NELL2: variants seen among roughly 807,000 people sequenced by gnomAD.
NELL2 encodes protein kinase C-binding protein NELL2.
NELL2 carries 41 observed loss-of-function variants against 109.6 expected under a neutral mutation model. That is an observed-to-expected ratio of 0.37 (90% CI 0.29 to 0.49). NELL2 has a LOEUF of 0.49. Among genes scored for constraint, NELL2 ranks in the 20% least tolerant of loss-of-function variants. The probability of loss-of-function intolerance (pLI) is 0.98; values close to 1 mark genes in which losing one functional copy is unlikely to be tolerated. For synonymous variants in NELL2, 355 were observed against 344.7 expected (o/e 1.03, Z -0.33); for missense variants, 900 against 1,008.3 (o/e 0.89, Z 1.45).
intron 15 of NELL2, among the ~76,000 whole-genome samples, chr12:44,585,786 G>T (rs898287099): frequency 1.2e-4 from 18 of 151,814 alleles, no homozygotes; most frequent in African/African-American, 4.4e-4. Flanking sequence ...TGGTCATAAT[G>T]GGGGAGGGAG....
intron 1 of NELL2, among the ~76,000 whole-genome samples, chr12:44,901,762 A>T (rs952225600): frequency 6.6e-6 from 1 of 152,198 alleles, no homozygotes; most frequent in East Asian, 1.9e-4. Flanking sequence ...CAAATCAATA[A>T]ATGGAATCCA....
At chr12:44,806,947 A>C (rs1943021232) in intron 3 of NELL2, among the ~76,000 whole-genome samples, 1 of 151,696 alleles carries the variant, frequency 6.6e-6, no homozygotes, top group Non-Finnish European at 1.5e-5. Context: ...GTTTGAAAAA[A>C]TGTTTAGAGC....
chr12:44,521,326 C>G (rs1012092928), intron 18 of NELL2, among the ~76,000 whole-genome samples: 1 of 151,850 alleles, frequency 6.6e-6, no homozygotes, highest in Admixed American at 6.6e-5. Flanking sequence ...GTCAGGAGAT[C>G]GAGACCATCC....
chr12:44,833,341 C>A (rs1175352828), intron 2 of NELL2, among the ~76,000 whole-genome samples: 1 of 151,750 alleles, frequency 6.6e-6, no homozygotes, highest in Non-Finnish European at 1.5e-5. Context: ...CTTGACAGTT[C>A]TCTCCCTTTC....
At chr12:44,557,835 A>C (rs1943315578) in intron 15 of NELL2, among the ~76,000 whole-genome samples, 2 of 152,228 alleles carry the variant, frequency 1.3e-5, no homozygotes, top group Admixed American at 1.3e-4. Context: ...AGAGGAACCA[A>C]AGGAAGAAGA....
intron 3 of NELL2, among the ~76,000 whole-genome samples, chr12:44,799,632 GTATAT>G (rs1250899352): frequency 1.3e-5 from 2 of 152,006 alleles, no homozygotes; most frequent in African/African-American, 4.8e-5. Context: ...ATACAGATCA[GTATAT>G]TAGAGAGAAA....
chr12:44,865,292 T>A (rs554868549), intron 2 of NELL2, among the ~76,000 whole-genome samples: 19 of 142,166 alleles, frequency 1.3e-4, no homozygotes, highest in African/African-American at 3.4e-4. Context: ...ATGAGTAGGT[T>A]GCAAAAATTT....
At position 44,882,858 on chromosome 12, in the gene NELL2, TGA is replaced by T. The variant is rs1464735317; in HGVS notation, c.39-6960_39-6959del. Among the ~76,000 whole-genome samples the T allele has an allele frequency of 2.8e-3, 317 of 112,356 alleles. 1 individual carries two copies. In the Middle Eastern group the frequency reaches 0.028, roughly 10 times the overall value. 73.7% of individuals were successfully genotyped at this position (112,356 alleles called of 152,430 possible). A position where few individuals can be genotyped will look rare whatever the true frequency, so the allele number is the denominator to read the frequency against. On this transcript the variant is annotated intron_variant, in intron 1 of 20. Transcript: ENST00000333837. ...CCTTTTTTTTTTTTTTTTTTTTTTTTGAGACAGAGTCTCCTTCTGTCACCCAG... is the reference window on the plus strand; with the variant it reads ...CCTTTTTTTTTTTTTTTTTTTTTTTTGACAGAGTCTCCTTCTGTCACCCAG...
intron 15 of NELL2, among the ~76,000 whole-genome samples, chr12:44,585,751 T>C (rs549640938): frequency 6.6e-6 from 1 of 151,594 alleles, no homozygotes; most frequent in South Asian, 2.1e-4. Context: ...TAAGCACACA[T>C]GACAATGTCT....
At chr12:44,618,049 G>A (rs1945905971) in intron 13 of NELL2, among the ~76,000 whole-genome samples, 1 of 152,002 alleles carries the variant, frequency 6.6e-6, no homozygotes, top group Non-Finnish European at 1.5e-5. Flanking sequence ...TGTTTCTTGT[G>A]ATTACCTTAT....
intron 9 of NELL2, among the ~76,000 whole-genome samples, chr12:44,746,335 C>A (rs970787919): frequency 2.8e-4 from 42 of 152,006 alleles, no homozygotes; most frequent in Non-Finnish European, 2.5e-4. Flanking sequence ...GACCTAAAAC[C>A]ATAAAAACCC....
intron 2 of NELL2, among the ~76,000 whole-genome samples, chr12:44,838,683 T>C (rs780012186): frequency 6.6e-6 from 1 of 152,200 alleles, no homozygotes; most frequent in Non-Finnish European, 1.5e-5. Context: ...GTATTCAAAT[T>C]GGTGTATTAT....
chr12:44,528,915 ATC>A (rs1310901326), intron 16 of NELL2, among the ~76,000 whole-genome samples: 7 of 152,204 alleles, frequency 4.6e-5, no homozygotes, highest in Admixed American at 3.9e-4. Context: ...ATGCAAAGAA[ATC>A]TGTTTCATAT....
intron 1 of NELL2, among the ~76,000 whole-genome samples, chr12:44,907,135 G>T (rs986804275): frequency 3.2e-4 from 48 of 152,032 alleles, no homozygotes; most frequent in Admixed American, 3.2e-3. Flanking sequence ...CTCCTGCCAT[G>T]ATTGTAAGTT....
intron 15 of NELL2, among the ~76,000 whole-genome samples, chr12:44,551,509 AT>A (rs150430355): frequency 0.11 from 16,146 of 152,114 alleles, 2,875 homozygotes; most frequent in African/African-American, 0.37. Context: ...AACTTGATGT[AT>A]TTAATATGTG....
At chr12:44,818,736 TTTA>T (rs1271022311) in intron 2 of NELL2, among the ~76,000 whole-genome samples, 2,201 of 86,816 alleles carry the variant, frequency 0.025, 306 homozygotes, top group East Asian at 0.17. Context: ...TTTTTTTTTT[TTTA>T]TTTTTTTTTT....
At chr12:44,640,874 T>C (rs1330091808) in intron 13 of NELL2, among the ~76,000 whole-genome samples, 1 of 152,208 alleles carries the variant, frequency 6.6e-6, no homozygotes, top group African/African-American at 2.4e-5. Flanking sequence ...AGTGACAACA[T>C]GTAACTGAAG....
At chr12:44,791,117 A>ATACG (rs1555217769) in intron 3 of NELL2, among the ~76,000 whole-genome samples, 4 of 11,532 alleles carry the variant, frequency 3.5e-4, no homozygotes, top group Non-Finnish European at 6.2e-4. Flanking sequence ...ATGTATATAT[A>ATACG]TATGTATATA....
At chr12:44,596,846 A>C (rs1184744444) in intron 15 of NELL2, among the ~76,000 whole-genome samples, 1 of 152,212 alleles carries the variant, frequency 6.6e-6, no homozygotes, top group Non-Finnish European at 1.5e-5. Flanking sequence ...ATTTATAGCC[A>C]GAGAGCCATC....
Sources: allele counts gnomAD v4.1 joint callset (sites outside exome capture counted in the v4.1 genomes callset), GRCh38; gene constraint gnomAD v4.1.1; transcripts MANE v1.5; gene names NCBI Gene and HGNC (gene_info 2026-07-23, HGNC 2026-07-21).